The following JAKMIP1 variants were observed in gnomAD, a reference collection of about 807,000 sequenced individuals.
JAKMIP1 encodes the protein janus kinase and microtubule-interacting protein 1.
In JAKMIP1, 33 loss-of-function variants were observed where a neutral mutation model predicts 113.0. The observed-to-expected ratio is 0.29, with a 90% CI of 0.22 to 0.39. JAKMIP1 has a LOEUF of 0.39. JAKMIP1 is among the 10% of genes least tolerant of loss of function. The probability of loss-of-function intolerance (pLI) is 1.00; values close to 1 mark genes in which losing one functional copy is unlikely to be tolerated. For missense variants in JAKMIP1, 813 were observed against 1,080.5 expected, an observed-to-expected ratio of 0.75 and a Z score of 3.47; for synonymous variants, 480 against 459.9, an observed-to-expected ratio of 1.04 and a Z score of -0.56.
chr4:6,191,640 A>G (rs963982042), intron 1 of JAKMIP1, among the ~76,000 whole-genome samples: 4 of 152,200 alleles, frequency 2.6e-5, no homozygotes, highest in African/African-American at 9.6e-5. Flanking sequence ...GCTGGAGGGT[A>G]AGCCCCATAG....
intron 1 of JAKMIP1, among the ~76,000 whole-genome samples, chr4:6,130,451 C>G (rs556795801): frequency 6.6e-6 from 1 of 152,180 alleles, no homozygotes; most frequent in Non-Finnish European, 1.5e-5. Flanking sequence ...TCCACAGGAA[C>G]CAGTTTAGGT....
At position 6,111,620 on chromosome 4, in the gene JAKMIP1, A is replaced by G. The variant is rs114562786; in HGVS notation, c.129+1102T>C. Reference sequence around the variant, plus strand: ...TTCGGAGACTTTTAGTCACCTGGCCAAGATCATGAGACCAGTTAGCGGACA... The same window carrying G: ...TTCGGAGACTTTTAGTCACCTGGCCGAGATCATGAGACCAGTTAGCGGACA... On this transcript the variant is annotated intron_variant, in intron 2 of 20. Coordinates refer to ENST00000409021, the MANE Select transcript of JAKMIP1 (RefSeq NM_001099433.2). Among the ~76,000 whole-genome samples the G allele has an allele frequency of 5.6e-3, 854 of 152,362 alleles. 10 individuals are homozygous for G. Among genetic ancestry groups the G allele is most frequent in the African/African-American group, 0.017 (702 of 41,592 alleles).
intron 3 of JAKMIP1, among the ~76,000 whole-genome samples, chr4:6,098,216 A>C (rs376980646): frequency 1.1e-4 from 17 of 152,206 alleles, no homozygotes; most frequent in East Asian, 9.6e-4. Context: ...GGATCACCTG[A>C]GGTCAGGAGT....
Position 6,197,673 on chromosome 4 carries a change from C to A in JAKMIP1, c.-148+2580G>T, listed in dbSNP as rs1394330064. ...GACACACTGCAGTCATCCTCAGACT[C>A]CCCAAGGGAAGCCCCCATTTAGTTA... On this transcript the variant is annotated intron_variant, in intron 1 of 20. Coordinates refer to ENST00000409021, the MANE Select transcript of JAKMIP1 (RefSeq NM_001099433.2). The surrounding 1 kb of genome is among the most constrained non-coding windows in gnomAD (Gnocchi z 6.5). Among the ~76,000 whole-genome samples the A allele has an allele frequency of 6.6e-6, 1 of 152,194 alleles. No individual in the cohort carries two copies. Among genetic ancestry groups the A allele is most frequent in the Non-Finnish European group, 1.5e-5 (1 of 68,044 alleles).
rs369493374 is a variant in JAKMIP1, at chr4:6,139,453, T to C, written c.-147-26456A>G. On this transcript the variant is annotated intron_variant, in intron 1 of 20. Coordinates refer to ENST00000409021, the MANE Select transcript of JAKMIP1 (RefSeq NM_001099433.2). The surrounding 1 kb of genome is among the most constrained non-coding windows in gnomAD (Gnocchi z 5.2). Reference sequence around the variant, plus strand: ...AGTCAGGAGGGTGGGCCTTAACCAATATGATGGGTGTTCCTACAAAAAGAA... The same window carrying C: ...AGTCAGGAGGGTGGGCCTTAACCAACATGATGGGTGTTCCTACAAAAAGAA... Among the ~76,000 whole-genome samples the C allele has an allele frequency of 2.0e-5, 3 of 152,114 alleles. No homozygotes were observed. Among genetic ancestry groups the C allele is most frequent in the South Asian group, 2.1e-4 (1 of 4,804 alleles).
chr4:6,077,959 T>C (rs1578169309), intron 8 of JAKMIP1, among the ~76,000 whole-genome samples: 2 of 152,184 alleles, frequency 1.3e-5, no homozygotes, highest in African/African-American at 2.4e-5. Flanking sequence ...CACCATTCCC[T>C]GTTGTCACCC....
At chr4:6,072,877 G>C (rs192574950) in intron 8 of JAKMIP1, among the ~76,000 whole-genome samples, 4 of 152,012 alleles carry the variant, frequency 2.6e-5, no homozygotes, top group Admixed American at 2.0e-4. Context: ...TCAGGAGTTC[G>C]AGACCAGCCT....
In JAKMIP1 at chr4:6,081,159, CCA is replaced by C. The variant is rs1720483368; in HGVS notation, c.1101+448_1101+449del. ...GTCAACTACAAGACGCCTGCCCTGA[CCA>C]CAAACACCAGGCATCCTAGCTGGAG... On this transcript the variant is annotated intron_variant, in intron 6 of 20. Coordinates refer to ENST00000409021, the MANE Select transcript of JAKMIP1 (RefSeq NM_001099433.2). The surrounding 1 kb of genome is among the most constrained non-coding windows in gnomAD (Gnocchi z 4.6). 6.6e-6 allele frequency among the ~76,000 whole-genome samples: 1 copy of C among 152,188 alleles called. No individual in the cohort carries two copies.
In JAKMIP1 at chr4:6,179,581, T is replaced by A. The variant is rs1725785445; in HGVS notation, c.-148+20672A>T. Among the ~76,000 whole-genome samples, 1 of 152,222 alleles carries A rather than the reference T, an allele frequency of 6.6e-6. No individual in the cohort carries two copies. Among genetic ancestry groups the A allele is most frequent in the East Asian group, 1.9e-4 (1 of 5,174 alleles). ...ACAAACCTACCTCCTCTGCAAAAGGTGACCCTGCTCATTGCACCAGGCAGA... is the reference window on the plus strand; with the variant it reads ...ACAAACCTACCTCCTCTGCAAAAGGAGACCCTGCTCATTGCACCAGGCAGA... On this transcript the variant is annotated intron_variant, in intron 1 of 20. Coordinates refer to ENST00000409021, the MANE Select transcript of JAKMIP1 (RefSeq NM_001099433.2). The surrounding 1 kb of genome is among the most constrained non-coding windows in gnomAD (Gnocchi z 4.5).
Position 6,137,029 on chromosome 4 carries a change from C to A in JAKMIP1, c.-147-24032G>T, listed in dbSNP as rs1719342934. On this transcript the variant is annotated intron_variant, in intron 1 of 20. Transcript: ENST00000409021. The surrounding 1 kb of genome is among the most constrained non-coding windows in gnomAD (Gnocchi z 4.5). The stretch of plus-strand genomic sequence containing the variant: ...GACTCTGCAGCCTATTCCCTCCAGT[C>A]CTCCTCTGCACCAGTAATCAAACTC... Among the ~76,000 whole-genome samples the A allele has an allele frequency of 6.6e-6, 1 of 152,172 alleles. No homozygotes were observed. The highest frequency in any genetic ancestry group is 2.1e-4 in the South Asian group (1 of 4,824).
chr4:6,043,185 G>A (rs1354052986), intron 16 of JAKMIP1, among the ~76,000 whole-genome samples: 4 of 151,892 alleles, frequency 2.6e-5, no homozygotes, highest in Admixed American at 6.6e-5. Flanking sequence ...CCCCAGCTGC[G>A]GAGCGCCCTC....
chr4:6,173,479 T>TG, intron 1 of JAKMIP1, among the ~76,000 whole-genome samples: 1 of 152,302 alleles, frequency 6.6e-6, no homozygotes, highest in East Asian at 1.9e-4. Context: ...CTGCCTCAGG[T>TG]GACCAAGACC....
At position 6,140,328 on chromosome 4, in the gene JAKMIP1, G is replaced by A. The variant is rs1441466303; in HGVS notation, c.-147-27331C>T. On this transcript the variant is annotated intron_variant, in intron 1 of 20. Transcript: ENST00000409021. This position sits in a 1 kb window ranked among gnomAD's most constrained non-coding sequence, Gnocchi z 9.4. ...CACATCTTCCCACATAAATCATAAT[G>A]CACACCTGATGATGGGCCGACCATA... 6.8e-6 allele frequency among the ~76,000 whole-genome samples: 1 copy of A among 147,716 alleles called. No homozygotes were observed. Among genetic ancestry groups the A allele is most frequent in the Non-Finnish European group, 1.5e-5 (1 of 67,440 alleles).
At chr4:6,177,668 G>C (rs1725515551) in intron 1 of JAKMIP1, among the ~76,000 whole-genome samples, 1 of 152,198 alleles carries the variant, frequency 6.6e-6, no homozygotes, top group African/African-American at 2.4e-5. Flanking sequence ...GTCTGAAGCA[G>C]AGCAGCCCCT....
At chr4:6,147,968 C>T (rs1341194971) in intron 1 of JAKMIP1, among the ~76,000 whole-genome samples, 1 of 152,260 alleles carries the variant, frequency 6.6e-6, no homozygotes, top group Non-Finnish European at 1.5e-5. Flanking sequence ...AGACAGAAAT[C>T]CCTATCAGCC....
At position 6,067,125 on chromosome 4, in the gene JAKMIP1, G is replaced by A. The variant is rs1212046429; in HGVS notation, c.1303-2117C>T. 3.3e-5 allele frequency among the ~76,000 whole-genome samples: 5 copies of A among 152,128 alleles called. No individual in the cohort carries two copies. The highest frequency in any genetic ancestry group is 2.1e-4 in the South Asian group (1 of 4,826). Reference sequence around the variant, plus strand: ...TTCCATAGCACATCTCCCCGCTGACGTAAGATCTGGCAAGCTATTGTGTTT... The same window carrying A: ...TTCCATAGCACATCTCCCCGCTGACATAAGATCTGGCAAGCTATTGTGTTT... On this transcript the variant is annotated intron_variant, in intron 8 of 20. Coordinates refer to ENST00000409021, the MANE Select transcript of JAKMIP1 (RefSeq NM_001099433.2). The surrounding 1 kb of genome is among the most constrained non-coding windows in gnomAD (Gnocchi z 4.6).
chr4:6,123,645 C>G (rs1239471312), intron 1 of JAKMIP1, among the ~76,000 whole-genome samples: 1 of 152,132 alleles, frequency 6.6e-6, no homozygotes, highest in Non-Finnish European at 1.5e-5. Context: ...GAGAGGAAGA[C>G]CCTGTCTCTA....
chr4:6,075,093 C>T (rs575745620), intron 8 of JAKMIP1, among the ~76,000 whole-genome samples: 60 of 152,236 alleles, frequency 3.9e-4, no homozygotes, highest in Non-Finnish European at 6.9e-4. Context: ...AAAAAAAGTC[C>T]GGGAGGTGGA....
At chr4:6,120,409 G>A (rs1162815134) in intron 1 of JAKMIP1, among the ~76,000 whole-genome samples, 2 of 152,184 alleles carry the variant, frequency 1.3e-5, no homozygotes, top group Admixed American at 1.3e-4. Flanking sequence ...AAGATGTTGC[G>A]AGTAGCATCA....
Sources: gnomAD v4.1 joint callset for allele counts (sites outside exome capture counted in the v4.1 genomes callset) on GRCh38, gnomAD v4.1.1 for gene constraint, Gnocchi (gnomAD v3.1) non-coding constraint, MANE v1.5 for transcripts, NCBI Gene and HGNC (gene_info 2026-07-23, HGNC 2026-07-21) for gene names.